RBFOX1: variants seen among roughly 807,000 people sequenced by gnomAD.
RBFOX1 encodes RNA binding fox-1 homolog 1.
In RBFOX1, 8 loss-of-function variants were observed where a neutral mutation model predicts 57.7. The ratio of observed to expected loss-of-function variants is 0.14; its 90% CI spans 0.08 to 0.25. RBFOX1 has a LOEUF of 0.25. Among genes scored for constraint, RBFOX1 ranks in the 10% least tolerant of loss-of-function variants. The probability of loss-of-function intolerance (pLI) is 1.00; values close to 1 mark genes in which losing one functional copy is unlikely to be tolerated. For missense variants in RBFOX1, 611 were observed against 548.5 expected (o/e 1.11, Z -1.14); for synonymous variants, 326 against 222.4 (o/e 1.47, Z -4.15).
rs934618937 is a variant in RBFOX1 at position 7,711,748 on chromosome 16, C to G, written c.*1003C>G. 1 of 152,568 alleles carries G rather than the reference C, an allele frequency of 6.6e-6. No homozygotes were observed. The highest frequency in any genetic ancestry group is 1.5e-5 in the Non-Finnish European group (1 of 68,022). 9.5% of individuals were successfully genotyped at this position (152,568 alleles called of 1,614,324 possible). On this transcript the variant is annotated 3_prime_UTR_variant, in exon 16 of 16. Coordinates refer to ENST00000550418, the MANE Select transcript of RBFOX1 (RefSeq NM_018723.4). Reference sequence around the variant, plus strand: ...CTTTAGTTTTAGCCTAGTAGAACAACTGTTAGAGACAGACGTATAATTTTT... The same window carrying G: ...CTTTAGTTTTAGCCTAGTAGAACAAGTGTTAGAGACAGACGTATAATTTTT...
At chr16:5,907,042 G>C (rs2058476529) in intron 4 of RBFOX1, among the ~76,000 whole-genome samples, 2 of 152,006 alleles carry the variant, frequency 1.3e-5, no homozygotes, top group South Asian at 4.1e-4. Context: ...CGGCCCATCT[G>C]GGGGATTTTA....
Position 6,434,156 on chromosome 16 carries a change from G to C in RBFOX1, c.-64+117099G>C, listed in dbSNP as rs187673221. Among the ~76,000 whole-genome samples the C allele has an allele frequency of 1.5e-3, 224 of 152,116 alleles. 1 individual carries two copies. The highest frequency in any genetic ancestry group is 5.0e-3 in the South Asian group (24 of 4,802). On this transcript the variant is annotated intron_variant, in intron 2 of 15. Coordinates refer to ENST00000550418, the MANE Select transcript of RBFOX1 (RefSeq NM_018723.4). ...AGCCACCGTGCCTGGTCACTTCTAA[G>C]GGCACTTGTGATAACATAAGACACA... is the stretch of plus-strand genomic sequence containing the variant.
At chr16:7,224,815 G>A (rs1283845538) in intron 4 of RBFOX1, among the ~76,000 whole-genome samples, 1 of 152,168 alleles carries the variant, frequency 6.6e-6, no homozygotes, top group Admixed American at 6.5e-5. Flanking sequence ...CTTGGTAACT[G>A]TTAGAAATGC....
intron 1 of RBFOX1, among the ~76,000 whole-genome samples, chr16:6,078,107 G>T (rs1238604996): frequency 6.6e-6 from 1 of 152,088 alleles, no homozygotes; most frequent in African/African-American, 2.4e-5. Flanking sequence ...CATCTTTCCG[G>T]GGAGGTTAAG....
chr16:7,299,919 C>T (rs895587204), intron 4 of RBFOX1, among the ~76,000 whole-genome samples: 1 of 152,280 alleles, frequency 6.6e-6, no homozygotes, highest in East Asian at 1.9e-4. Flanking sequence ...ATATTTTCAC[C>T]TTACCATGGA....
Position 6,653,970 on chromosome 16 carries a change from C to CGGATGGATGGAT in RBFOX1, c.-63-608_-63-597dup, listed in dbSNP as rs1158998142. Among the ~76,000 whole-genome samples, 14 of 75,410 alleles carry CGGATGGATGGAT rather than the reference C, an allele frequency of 1.9e-4. No homozygotes were observed. The East Asian group carries it at 6.4e-3, about 34-fold the overall frequency. 49.5% of individuals were successfully genotyped at this position (75,410 alleles called of 152,430 possible). ...GGTGGATGAAGGATGGATGGTTGGA[C>CGGATGGATGGAT]GGATGGATGGATGGATGGATGGATG... On this transcript the variant is annotated intron_variant, in intron 2 of 15. Transcript: ENST00000550418.
Position 6,124,544 on chromosome 16 carries a change from C to T in RBFOX1, c.-127+104552C>T, listed in dbSNP as rs148664133. ...TTTTGAGACAGTCTCCCTCTGTTGC[C>T]CAGACTGGGGTGCAGTGGCATAATC... On this transcript the variant is annotated intron_variant, in intron 1 of 15. Coordinates refer to ENST00000550418, the MANE Select transcript of RBFOX1 (RefSeq NM_018723.4). Among the ~76,000 whole-genome samples the T allele has an allele frequency of 2.5e-3, 384 of 152,170 alleles. 1 individual carries two copies. The highest frequency in any genetic ancestry group is 9.0e-3 in the African/African-American group (374 of 41,496).
At chr16:5,730,937 C>G (rs2052344529) in intron 3 of RBFOX1, among the ~76,000 whole-genome samples, 1 of 148,676 alleles carries the variant, frequency 6.7e-6, no homozygotes, top group South Asian at 2.1e-4. Flanking sequence ...CTGGTGTCAC[C>G]ATCATCACTA....
At chr16:7,648,928 C>T (rs910979058) in intron 11 of RBFOX1, among the ~76,000 whole-genome samples, 3 of 152,020 alleles carry the variant, frequency 2.0e-5, no homozygotes, top group Non-Finnish European at 4.4e-5. Flanking sequence ...TTACTTTTTC[C>T]GAGACAGTGA....
chr16:6,137,522 T>A, intron 1 of RBFOX1, among the ~76,000 whole-genome samples: 1 of 151,990 alleles, frequency 6.6e-6, no homozygotes, highest in Admixed American at 6.6e-5. Context: ...GTCAGGCTGG[T>A]CTCGAGCTCC....
chr16:6,141,700 TAA>T (rs145552866), intron 1 of RBFOX1, among the ~76,000 whole-genome samples: 2,112 of 152,276 alleles, frequency 0.014, 58 homozygotes, highest in African/African-American at 0.048. Context: ...AATATTACAA[TAA>T]GTTTCTTTTA....
chr16:5,840,508 AGAACACCAG>A (rs1417571977), intron 3 of RBFOX1, among the ~76,000 whole-genome samples: 1 of 152,200 alleles, frequency 6.6e-6, no homozygotes, highest in African/African-American at 2.4e-5. Flanking sequence ...CTGTGCCTTC[AGAACACCAG>A]GAACACAGCT....
intron 3 of RBFOX1, among the ~76,000 whole-genome samples, chr16:7,025,118 A>G (rs1051075050): frequency 2.0e-5 from 3 of 152,212 alleles, no homozygotes; most frequent in African/African-American, 7.2e-5. Context: ...GAGGAATAAA[A>G]GAATGTCCAC....
intron 2 of RBFOX1, among the ~76,000 whole-genome samples, chr16:6,463,414 C>G (rs1266128341): frequency 6.6e-6 from 1 of 152,090 alleles, no homozygotes; most frequent in African/African-American, 2.4e-5. Flanking sequence ...TGGCAGGATG[C>G]TATGAGATGA....
chr16:7,180,376 G>A (rs777700364), intron 4 of RBFOX1, among the ~76,000 whole-genome samples: 1 of 152,156 alleles, frequency 6.6e-6, no homozygotes, highest in Non-Finnish European at 1.5e-5. Context: ...GAAAGGGACA[G>A]CATCTCTGGA....
chr16:6,504,451 C>T (rs186349470), intron 2 of RBFOX1, among the ~76,000 whole-genome samples: 10 of 152,172 alleles, frequency 6.6e-5, no homozygotes, highest in African/African-American at 2.4e-4. Context: ...GCACAGAGTA[C>T]CGGGGTAGTA....
chr16:7,257,317 T>G (rs896718707), intron 4 of RBFOX1, among the ~76,000 whole-genome samples: 3 of 152,142 alleles, frequency 2.0e-5, no homozygotes, highest in African/African-American at 7.2e-5. Context: ...CCTGTGTATT[T>G]CCCACCACCC....
chr16:7,002,562 A>G (rs1472677562), intron 3 of RBFOX1, among the ~76,000 whole-genome samples: 1 of 151,990 alleles, frequency 6.6e-6, no homozygotes, highest in Non-Finnish European at 1.5e-5. Context: ...AAATACAAAA[A>G]TTTGCTGGGC....
intron 3 of RBFOX1, among the ~76,000 whole-genome samples, chr16:6,899,187 G>T (rs1332771568): frequency 6.6e-6 from 1 of 150,444 alleles, no homozygotes; most frequent in African/African-American, 2.5e-5. Context: ...TATAATATGT[G>T]TGTGAGTGCA....
Sources: allele counts gnomAD v4.1 joint callset (sites outside exome capture counted in the v4.1 genomes callset), GRCh38; gene constraint gnomAD v4.1.1; transcripts MANE v1.5; gene names NCBI Gene and HGNC (gene_info 2026-07-23, HGNC 2026-07-21).